GPC5: variants seen among roughly 807,000 people sequenced by gnomAD.
GPC5 encodes the protein glypican-5.
Under a neutral mutation model 53.9 loss-of-function variants are expected in GPC5, and 47 were observed. The observed-to-expected ratio is 0.87, with a 90% CI of 0.69 to 1.11. GPC5 has a LOEUF of 1.11. Ranked by LOEUF, GPC5 falls within the 50% of genes most tolerant of loss-of-function variation. The pLI is 0.00. For synonymous variants in GPC5, 286 were observed against 263.3 expected, an observed-to-expected ratio of 1.09 and a Z score of -0.84; for missense variants, 748 against 713.1, an observed-to-expected ratio of 1.05 and a Z score of -0.56.
intron 2 of GPC5, among the ~76,000 whole-genome samples, chr13:91,645,823 C>G (rs2034545078): frequency 6.6e-6 from 1 of 152,134 alleles, no homozygotes; most frequent in African/African-American, 2.4e-5. Flanking sequence ...GGGTCAGAGA[C>G]TCTGATTCAG....
chr13:91,639,777 G>A (rs142644615), intron 2 of GPC5, among the ~76,000 whole-genome samples: 99 of 152,316 alleles, frequency 6.5e-4, no homozygotes, highest in East Asian at 1.5e-3. Context: ...AGGACATATA[G>A]TATTCAGGTG....
chr13:92,425,401 A>G (rs1392238522), intron 7 of GPC5, among the ~76,000 whole-genome samples: 1 of 152,032 alleles, frequency 6.6e-6, no homozygotes, highest in Non-Finnish European at 1.5e-5. Flanking sequence ...ACATTTATTG[A>G]TTGGTTTCTA....
chr13:92,015,575 G>T (rs1476957381), intron 6 of GPC5, among the ~76,000 whole-genome samples: 1 of 152,146 alleles, frequency 6.6e-6, no homozygotes, highest in Non-Finnish European at 1.5e-5. Flanking sequence ...GTTATTGAGA[G>T]GTAGTAAAAC....
chr13:92,817,228 T>A (rs982370841), intron 7 of GPC5, among the ~76,000 whole-genome samples: 1 of 152,028 alleles, frequency 6.6e-6, no homozygotes, highest in Non-Finnish European at 1.5e-5. Context: ...GCTGTTACAA[T>A]GAAGCAGAAA....
At chr13:91,568,783 C>G (rs1401778849) in intron 2 of GPC5, among the ~76,000 whole-genome samples, 3 of 146,744 alleles carry the variant, frequency 2.0e-5, no homozygotes, top group Non-Finnish European at 3.0e-5. Flanking sequence ...CAGAAGGAGT[C>G]TCTCTCTGTC....
chr13:92,131,287 G>T (rs757663724), intron 6 of GPC5, among the ~76,000 whole-genome samples: 3 of 151,946 alleles, frequency 2.0e-5, no homozygotes, highest in Non-Finnish European at 4.4e-5. Context: ...ATCTACTAAA[G>T]TTAAATGTAT....
intron 3 of GPC5, among the ~76,000 whole-genome samples, chr13:91,721,572 C>T (rs970568879): frequency 1.3e-5 from 2 of 152,166 alleles, no homozygotes; most frequent in African/African-American, 4.8e-5. Context: ...ACTTAGAACA[C>T]AAATTTAGCC....
chr13:92,678,610 G>T (rs1887021696), intron 7 of GPC5, among the ~76,000 whole-genome samples: 1 of 152,154 alleles, frequency 6.6e-6, no homozygotes, highest in African/African-American at 2.4e-5. Flanking sequence ...CCGTGGAAAT[G>T]GTAGAAGAGT....
At chr13:92,758,294 G>C (rs997684742) in intron 7 of GPC5, among the ~76,000 whole-genome samples, 2 of 146,620 alleles carry the variant, frequency 1.4e-5, no homozygotes, top group Non-Finnish European at 3.0e-5. Context: ...AGATCACATG[G>C]ACACAGGAAG....
intron 6 of GPC5, among the ~76,000 whole-genome samples, chr13:91,974,555 C>T (rs990197972): frequency 1.4e-4 from 22 of 152,146 alleles, no homozygotes; most frequent in African/African-American, 5.1e-4. Context: ...AGGAATCCAA[C>T]TTACAAGGGA....
intron 1 of GPC5, among the ~76,000 whole-genome samples, chr13:91,439,052 G>T (rs1880217493): frequency 6.6e-6 from 1 of 152,224 alleles, no homozygotes. Context: ...GGGAGCTGTA[G>T]ACTGGAGCTG....
chr13:92,763,904 C>T lies in GPC5; in HGVS notation c.1562-102378C>T, dbSNP rs564635534. ...CAATAGAGCAGAGTCCAGCTCAGCT[C>T]CCACCATATAGTGCACTCCGTAGTA... On this transcript the variant is annotated intron_variant, in intron 7 of 7. Transcript: ENST00000377067. Among the ~76,000 whole-genome samples the T allele has an allele frequency of 8.5e-5, 13 of 152,166 alleles. No individual in the cohort carries two copies. The East Asian group carries it at 2.5e-3, about 30-fold the overall frequency.
At chr13:92,019,038 T>C (rs2040733681) in intron 6 of GPC5, among the ~76,000 whole-genome samples, 1 of 152,152 alleles carries the variant, frequency 6.6e-6, no homozygotes, top group East Asian at 1.9e-4. Flanking sequence ...TTGTTTCTAC[T>C]GAAAGAGAAT....
At chr13:92,562,560 C>T (rs1277890068) in intron 7 of GPC5, among the ~76,000 whole-genome samples, 2 of 151,994 alleles carry the variant, frequency 1.3e-5, no homozygotes, top group African/African-American at 4.8e-5. Flanking sequence ...TGTTAATAAC[C>T]AGAGAATTTT....
At chr13:91,940,150 G>T (rs1239452228) in intron 6 of GPC5, among the ~76,000 whole-genome samples, 1 of 151,982 alleles carries the variant, frequency 6.6e-6, no homozygotes, top group East Asian at 1.9e-4. Flanking sequence ...AAATCCTAAG[G>T]AAAATCTCTA....
At chr13:91,633,764 T>C (rs949832655) in intron 2 of GPC5, among the ~76,000 whole-genome samples, 1 of 152,188 alleles carries the variant, frequency 6.6e-6, no homozygotes, top group Non-Finnish European at 1.5e-5. Flanking sequence ...TTCCTTGGGC[T>C]ACATGTAACC....
chr13:91,450,006 G>C (rs1019990688), intron 2 of GPC5, among the ~76,000 whole-genome samples: 1 of 151,614 alleles, frequency 6.6e-6, no homozygotes, highest in Non-Finnish European at 1.5e-5. Context: ...TAATTTGCTT[G>C]GTGTACATAT....
intron 7 of GPC5, among the ~76,000 whole-genome samples, chr13:92,265,017 T>C (rs765236549): frequency 6.6e-5 from 10 of 151,488 alleles, no homozygotes; most frequent in Non-Finnish European, 1.5e-4. Context: ...TGAGGTCCCA[T>C]GAGCACCTTT....
chr13:92,669,629 T>A (rs188285342), intron 7 of GPC5, among the ~76,000 whole-genome samples: 7 of 152,260 alleles, frequency 4.6e-5, no homozygotes, highest in Admixed American at 2.0e-4. Flanking sequence ...CAGGTCCCAA[T>A]CAGCAGTTGA....
Sources: gnomAD v4.1 joint callset for allele counts (sites outside exome capture counted in the v4.1 genomes callset) on GRCh38, gnomAD v4.1.1 for gene constraint, MANE v1.5 for transcripts, NCBI Gene and HGNC (gene_info 2026-07-23, HGNC 2026-07-21) for gene names.